The following COL4A4 variants were observed in gnomAD, a reference collection of about 807,000 sequenced individuals.
COL4A4 encodes collagen type IV alpha 4 chain.
COL4A4 carries 105 observed loss-of-function variants against 192.9 expected under a neutral mutation model. The observed-to-expected ratio is 0.54, with a 90% confidence interval of 0.46 to 0.64. COL4A4 has a LOEUF of 0.64. Among genes scored for constraint, COL4A4 ranks in the 30% least tolerant of loss-of-function variants. The pLI, the probability that COL4A4 is intolerant of heterozygous loss-of-function variation, is 0.00. For missense variants in COL4A4, 1,967 were observed against 2,169.3 expected, an observed-to-expected ratio of 0.91 and a Z score of 1.85; for synonymous variants, 762 against 769.9, an observed-to-expected ratio of 0.99 and a Z score of 0.17.
chr2:227,032,114 T>C (rs1212373849), intron 39 of COL4A4, 34 bp downstream of exon 39: 2 of 1,614,118 alleles, frequency 1.2e-6, no homozygotes, highest in East Asian at 4.5e-5. Flanking sequence ...TTGGTTTAGT[T>C]ATTGAAAGAA....
chr2:227,159,185 T>C (rs1308104218), intron 1 of COL4A4, among the ~76,000 whole-genome samples: 2 of 152,224 alleles, frequency 1.3e-5, no homozygotes, highest in Non-Finnish European at 1.5e-5. Flanking sequence ...AATATTGCTA[T>C]GCAGAGTCAG....
intron 14 of COL4A4, 118 bp from the exon 15 acceptor site, chr2:227,102,966 G>C: frequency 8.3e-7 from 1 of 1,207,338 alleles, no homozygotes; most frequent in Non-Finnish European, 1.2e-6. Flanking sequence ...ATTGTCAGCA[G>C]CTTAAAGAAA....
Position 227,057,533 on chromosome 2 carries a change from A to G in COL4A4, c.2451T>C (p.Phe817=). 2 of 1,614,004 alleles carry G rather than the reference A, an allele frequency of 1.2e-6. No individual in the cohort carries two copies. Among genetic ancestry groups the G allele is most frequent in the Non-Finnish European group, 1.7e-6 (2 of 1,179,964 alleles). The part of the protein sequence containing the change: ...GPKGREGHAG[F]PGVPGPPGHS... ...GGCCAGGTGGACCTGGGACACCTGG[A>G]AACCCAGCATGTCCCTCTCTGCCTT... The change falls in exon 29 of 48, where the codon TTT becomes TTC. Residue 817 remains phenylalanine, a synonymous_variant. Coordinates refer to ENST00000396625, the MANE Select transcript of COL4A4 (RefSeq NM_000092.5).
the COL4A4 span, among the ~76,000 whole-genome samples, chr2:226,969,321 C>T: frequency 2.0e-5 from 3 of 150,776 alleles, no homozygotes; most frequent in Non-Finnish European, 4.4e-5. Flanking sequence ...TGAAAAACAT[C>T]CCTGTATATA....
At chr2:227,059,075 T>C (rs1298796815) in intron 28 of COL4A4, among the ~76,000 whole-genome samples, 8 of 152,212 alleles carry the variant, frequency 5.3e-5, no homozygotes, top group Admixed American at 5.2e-4. Flanking sequence ...CAATCAGGCC[T>C]GCCTACCTTC....
chr2:227,138,637 CAAAAAAA>C (rs67330769), intron 4 of COL4A4, among the ~76,000 whole-genome samples: 2 of 128,042 alleles, frequency 1.6e-5, no homozygotes, highest in African/African-American at 2.7e-5. Context: ...TGTCTCAAAA[CAAAAAAA>C]AAAAAAAGAA....
chr2:226,968,424 GAA>G, the COL4A4 span, among the ~76,000 whole-genome samples: 133 of 152,276 alleles, frequency 8.7e-4, no homozygotes, highest in African/African-American at 3.2e-3. Context: ...CTTCTTCAGG[GAA>G]GTTTCAGCTC....
intron 31 of COL4A4, among the ~76,000 whole-genome samples, chr2:227,053,305 A>C (rs1265301405): frequency 6.6e-6 from 1 of 152,126 alleles, no homozygotes; most frequent in Non-Finnish European, 1.5e-5. Flanking sequence ...TAAGAAGAAA[A>C]GGTAATTTTA....
the COL4A4 span, among the ~76,000 whole-genome samples, chr2:226,969,340 C>T: frequency 6.7e-6 from 1 of 148,374 alleles, no homozygotes; most frequent in Non-Finnish European, 1.5e-5. Context: ...TAAGTCTGTG[C>T]CCAACTGTCA....
At chr2:226,986,701 G>A in the COL4A4 span, among the ~76,000 whole-genome samples, 2 of 152,218 alleles carry the variant, frequency 1.3e-5, no homozygotes, top group Non-Finnish European at 2.9e-5. Flanking sequence ...GAGAGGATGT[G>A]GAAAATGGGA....
chr2:227,143,350 A>G lies in COL4A4; in HGVS notation c.114+1166T>C, dbSNP rs1218040542. On this transcript the variant is annotated intron_variant, in intron 3 of 47. Coordinates refer to ENST00000396625, the MANE Select transcript of COL4A4 (RefSeq NM_000092.5). Reference sequence around the variant, plus strand: ...GAATAAACACGTATGACAAATTCCAAAAAGACACATTCCTGTGTCAATAGG... The same window carrying G: ...GAATAAACACGTATGACAAATTCCAGAAAGACACATTCCTGTGTCAATAGG... 2.0e-5 allele frequency among the ~76,000 whole-genome samples: 3 copies of G among 152,222 alleles called. No individual in the cohort carries two copies. In the South Asian group the frequency reaches 6.2e-4, roughly 32 times the overall value.
chr2:227,106,462 T>C (rs961717341), intron 12 of COL4A4, among the ~76,000 whole-genome samples: 11 of 152,236 alleles, frequency 7.2e-5, no homozygotes, highest in Non-Finnish European at 1.6e-4. Context: ...AATTATATCA[T>C]GTAGGCATAA....
chr2:227,005,786 C>T lies in COL4A4; in HGVS notation c.*1539G>A, dbSNP rs979152806. On this transcript the variant is annotated 3_prime_UTR_variant, in exon 48 of 48. Transcript: ENST00000396625. ...AAACAAAGCACTAAAATGAGTGTCA[C>T]GCTCATGAGAAATTTCTTTAGTTTT... 5 of 152,132 alleles carry T rather than the reference C, an allele frequency of 3.3e-5. No homozygotes were observed. The highest frequency in any genetic ancestry group is 5.9e-5 in the Non-Finnish European group (4 of 68,026). 9.4% of individuals were successfully genotyped at this position (152,132 alleles called of 1,614,324 possible).
the COL4A4 span, chr2:226,968,857 C>T: frequency 6.6e-6 from 1 of 152,340 alleles, no homozygotes; most frequent in African/African-American, 2.4e-5. Flanking sequence ...TCTCAATTTC[C>T]TCATCTGAGG....
At chr2:227,105,846 T>G (rs140466111) in intron 12 of COL4A4, among the ~76,000 whole-genome samples, 1 of 152,298 alleles carries the variant, frequency 6.6e-6, no homozygotes, top group African/African-American at 2.4e-5. Flanking sequence ...ATTTCCTTAC[T>G]TCCTTGAAAC....
intron 1 of COL4A4, among the ~76,000 whole-genome samples, chr2:227,148,448 CAGAT>C (rs1427535538): frequency 6.6e-6 from 1 of 152,118 alleles, no homozygotes; most frequent in Non-Finnish European, 1.5e-5. Context: ...GAAATCCATA[CAGAT>C]AGATAGGCAA....
chr2:227,010,270 T>A (rs1391515942), intron 46 of COL4A4, 43 bp downstream of exon 46: 2 of 1,608,036 alleles, frequency 1.2e-6, no homozygotes, highest in African/African-American at 2.7e-5. Context: ...AACCCCAAAT[T>A]TTACTCTTCA....
chr2:226,979,093 C>T, the COL4A4 span, among the ~76,000 whole-genome samples: 1 of 152,146 alleles, frequency 6.6e-6, no homozygotes, highest in Non-Finnish European at 1.5e-5. Context: ...ATTCGTGTGG[C>T]TCATTCCCAG....
chr2:227,017,293 A>T (rs1965099118), intron 44 of COL4A4, among the ~76,000 whole-genome samples: 1 of 152,206 alleles, frequency 6.6e-6, no homozygotes, highest in Admixed American at 6.5e-5. Flanking sequence ...TGTCAGGCGG[A>T]AGACATTTCC....
Sources: gnomAD v4.1 joint callset for allele counts (sites outside exome capture counted in the v4.1 genomes callset) on GRCh38, gnomAD v4.1.1 for gene constraint, MANE v1.5 for transcripts, NCBI Gene and HGNC (gene_info 2026-07-23, HGNC 2026-07-21) for gene names.